ZBED6: variants seen among roughly 807,000 people sequenced by gnomAD.
The protein encoded by ZBED6 is zinc finger BED domain-containing protein 6.
Under a neutral mutation model 58.4 loss-of-function variants are expected in ZBED6, and 40 were observed. That is an observed-to-expected ratio of 0.68 (90% CI 0.53 to 0.89). The LOEUF is 0.89. Ranked by LOEUF, ZBED6 falls within the 40% of genes least tolerant of loss-of-function variation. The pLI, the probability that ZBED6 is intolerant of heterozygous loss-of-function variation, is 0.00. For synonymous variants in ZBED6, 439 were observed against 350.6 expected (o/e 1.25, Z -2.82); for missense variants, 1,057 against 1,003.9 (o/e 1.05, Z -0.71).
chr1:203,826,721 A>G (rs1680639315), intron 3 of ZBED6, among the ~76,000 whole-genome samples: 1 of 152,196 alleles, frequency 6.6e-6, no homozygotes, highest in African/African-American at 2.4e-5. Context: ...ATTTTAAACC[A>G]TAGGCTGTTT....
At chr1:203,835,487 A>G (rs542157202) in intron 9 of ZBED6, 38 of 156,586 alleles carry the variant, frequency 2.4e-4, no homozygotes, top group Non-Finnish European at 5.2e-4. Flanking sequence ...TCAAGAAACA[A>G]TAACAGTTCT....
intron 9 of ZBED6, among the ~76,000 whole-genome samples, chr1:203,837,597 C>G: frequency 6.6e-6 from 1 of 152,022 alleles, no homozygotes; most frequent in Non-Finnish European, 1.5e-5. Flanking sequence ...GCTTCAGCCT[C>G]CTAAGTAGCT....
At chr1:203,820,036 A>G (rs2102842349) in intron 3 of ZBED6, among the ~76,000 whole-genome samples, 1 of 151,086 alleles carries the variant, frequency 6.6e-6, no homozygotes, top group African/African-American at 2.4e-5. Context: ...GGAGTTCGAG[A>G]CCAGCCTGAC....
At chr1:203,819,215 T>G (rs80028186) in intron 3 of ZBED6, among the ~76,000 whole-genome samples, 2 of 121,766 alleles carry the variant, frequency 1.6e-5, no homozygotes, top group Non-Finnish European at 4.0e-5. Flanking sequence ...AATTTTTTTT[T>G]CTTTCTTTTT....
chr1:203,840,506 A>G, intron 11 of ZBED6, 132 bp downstream of exon 11: 3 of 840,836 alleles, frequency 3.6e-6, no homozygotes, highest in Admixed American at 3.1e-5. Flanking sequence ...TTGTTTTTTA[A>G]GTAATTGATC....
chr1:203,842,326 C>G (rs1346297745), intron 11 of ZBED6, among the ~76,000 whole-genome samples: 2 of 152,286 alleles, frequency 1.3e-5, no homozygotes, highest in Non-Finnish European at 2.9e-5. Context: ...ACTGAGTGAG[C>G]GAGACTCCGT....
intron 11 of ZBED6, among the ~76,000 whole-genome samples, chr1:203,846,156 T>A (rs1401607579): frequency 1.5e-5 from 2 of 135,284 alleles, no homozygotes; most frequent in East Asian, 4.9e-4. Context: ...AGATATAATT[T>A]TTTTGGGGGG....
rs140362044 is a variant in ZBED6 at position 203,817,897 on chromosome 1, C to T, written c.*2754-673C>T. Among the ~76,000 whole-genome samples, 815 of 152,046 alleles carry T rather than the reference C, an allele frequency of 5.4e-3. 10 individuals carry two copies. The highest frequency in any genetic ancestry group is 0.018 in the African/African-American group (756 of 41,516). Reference sequence around the variant, plus strand: ...CCTCCCAAGTAGCTGGGATTTCTGGCGCCTGCCACCACACCCAGCTAACTG... The same window carrying T: ...CCTCCCAAGTAGCTGGGATTTCTGGTGCCTGCCACCACACCCAGCTAACTG... On this transcript the variant is annotated intron_variant, in intron 2 of 16. Coordinates refer to ENST00000550078, the Ensembl canonical transcript of ZBED6.
intron 1 of ZBED6, among the ~76,000 whole-genome samples, chr1:203,812,578 A>ATTTTTTTTTTTT (rs386369376): frequency 9.1e-6 from 1 of 109,316 alleles, no homozygotes; most frequent in Non-Finnish European, 1.8e-5. Context: ...GCCATTCTAA[A>ATTTTTTTTTTTT]TTTTTTTTTT....
At position 203,852,123 on chromosome 1, in the gene ZBED6, A is replaced by T. The variant is rs759123086; in HGVS notation, c.*4874-18A>T. The T allele has an allele frequency of 1.2e-6, 2 of 1,612,932 alleles. No individual in the cohort carries two copies. Among genetic ancestry groups the T allele is most frequent in the Non-Finnish European group, 1.7e-6 (2 of 1,179,696 alleles). ...TTTTTAAAACGGCAGTTTTCTAATA[A>T]TCTTTTTTTTCTTACAGTCTTGTGC... On this transcript the variant is annotated intron_variant, in intron 16 of 16. Coordinates refer to ENST00000550078, the Ensembl canonical transcript of ZBED6.
chr1:203,823,126 G>A (rs11578774), intron 3 of ZBED6, among the ~76,000 whole-genome samples: 42 of 152,282 alleles, frequency 2.8e-4, no homozygotes, highest in Non-Finnish European at 5.3e-4. Context: ...TATTGGCACA[G>A]CTCCTATGGA....
chr1:203,804,674 CTT>C (rs35042121), intron 1 of ZBED6, among the ~76,000 whole-genome samples: 29 of 137,590 alleles, frequency 2.1e-4, no homozygotes, highest in Non-Finnish European at 2.2e-4. Flanking sequence ...TTTGCCTCAT[CTT>C]TTTTTTTTTT....
At chr1:203,838,126 C>G in intron 10 of ZBED6, 62 bp downstream of exon 10, 1 of 1,455,066 alleles carries the variant, frequency 6.9e-7, no homozygotes, top group Non-Finnish European at 9.5e-7. Flanking sequence ...TCTTGTAATG[C>G]TAACAGCTAT....
At chr1:203,803,753 G>GC (rs2102463271) in intron 1 of ZBED6, among the ~76,000 whole-genome samples, 1 of 152,172 alleles carries the variant, frequency 6.6e-6, no homozygotes, top group South Asian at 2.1e-4. Context: ...CTACAGGTGT[G>GC]CCCCACTGTA....
exon 6 of ZBED6, chr1:203,829,887 A>G (rs771973219): frequency 1.9e-6 from 3 of 1,613,750 alleles, no homozygotes; most frequent in African/African-American, 1.3e-5. Flanking sequence ...TGCAGTCAAT[A>G]TAAAGCAAGG....
chr1:203,797,490 G>C, exon 1 of ZBED6: 1 of 1,459,178 alleles, frequency 6.9e-7, no homozygotes, highest in Non-Finnish European at 9.0e-7. Context: ...CCCACTAACA[G>C]ATTCTGGTAC....
intron 1 of ZBED6, among the ~76,000 whole-genome samples, chr1:203,815,369 C>G (rs1187819574): frequency 7.3e-6 from 1 of 136,432 alleles, no homozygotes; most frequent in African/African-American, 2.7e-5. Flanking sequence ...GAGTGTGCCA[C>G]CACACCCAGC....
chr1:203,822,049 G>A (rs1306331389), intron 3 of ZBED6, among the ~76,000 whole-genome samples: 1 of 151,986 alleles, frequency 6.6e-6, no homozygotes, highest in Non-Finnish European at 1.5e-5. Flanking sequence ...GAGCCACCGT[G>A]CCTGGCCCTA....
chr1:203,845,189 T>C (rs1687554244), intron 11 of ZBED6, among the ~76,000 whole-genome samples: 1 of 152,206 alleles, frequency 6.6e-6, no homozygotes, highest in Admixed American at 6.6e-5. Flanking sequence ...CTTCAAGATG[T>C]ATGCTCTGCC....
Sources: allele counts gnomAD v4.1 joint callset (sites outside exome capture counted in the v4.1 genomes callset), GRCh38; gene constraint gnomAD v4.1.1; transcripts MANE v1.5; gene names NCBI Gene and HGNC (gene_info 2026-07-23, HGNC 2026-07-21).